Variants in DSCAML1 observed in about 807,000 individuals in gnomAD.
DSCAML1 encodes the protein cell adhesion molecule DSCAML1.
DSCAML1 carries 38 observed loss-of-function variants against 200.5 expected under a neutral mutation model. The ratio of observed to expected loss-of-function variants is 0.19; its 90% CI spans 0.15 to 0.25. The LOEUF (loss-of-function observed/expected upper bound fraction) is 0.25, where lower values mean the gene tolerates loss of function less well. Among genes scored for constraint, DSCAML1 ranks in the 10% least tolerant of loss-of-function variants. The pLI is 1.00. For missense variants in DSCAML1, 2,223 were observed against 2,858.8 expected, an observed-to-expected ratio of 0.78 and a Z score of 5.07; for synonymous variants, 1,215 against 1,165.0, an observed-to-expected ratio of 1.04 and a Z score of -0.87.
At chr11:117,703,109 C>A (rs1006808235) in intron 3 of DSCAML1, among the ~76,000 whole-genome samples, 6 of 152,114 alleles carry the variant, frequency 3.9e-5, no homozygotes, top group Admixed American at 3.9e-4. Context: ...CAGTGGTGAA[C>A]GTGTGAGCAG....
intron 3 of DSCAML1, among the ~76,000 whole-genome samples, chr11:117,680,247 T>G (rs2053288745): frequency 6.6e-6 from 1 of 152,174 alleles, no homozygotes. Flanking sequence ...CCAAGTGACT[T>G]GTCCCAGTCC....
At chr11:117,816,859 A>G (rs2055814502) in intron 1 of DSCAML1, among the ~76,000 whole-genome samples, 1 of 151,612 alleles carries the variant, frequency 6.6e-6, no homozygotes, top group Non-Finnish European at 1.5e-5. Flanking sequence ...CTGGAGGCCC[A>G]TGCCAGGGGC....
chr11:117,794,933 G>T lies in DSCAML1; in HGVS notation c.46+2101C>A, dbSNP rs974906415. On this transcript the variant is annotated intron_variant, in intron 1 of 32. Transcript: ENST00000651296. ...GGGCTCTGCAGACCCAAAGGCCACC[G>T]AGGAGCCGCCACAACTGGCATCTCC... is the stretch of plus-strand genomic sequence containing the variant. 3.3e-5 allele frequency among the ~76,000 whole-genome samples: 5 copies of T among 152,156 alleles called. No homozygotes were observed. In the South Asian group the frequency reaches 1.0e-3, roughly 32 times the overall value.
At chr11:117,501,503 C>T (rs2049394410) in intron 11 of DSCAML1, among the ~76,000 whole-genome samples, 6 of 152,166 alleles carry the variant, frequency 3.9e-5, no homozygotes. Flanking sequence ...GCCCTGGAGC[C>T]TTCGATGTCC....
intron 3 of DSCAML1, among the ~76,000 whole-genome samples, chr11:117,722,299 G>C (rs1405494025): frequency 6.7e-6 from 1 of 149,768 alleles, no homozygotes; most frequent in African/African-American, 2.5e-5. Flanking sequence ...CACTCATATG[G>C]GGGAGCTAAA....
At chr11:117,689,164 C>T (rs1280068064) in intron 3 of DSCAML1, among the ~76,000 whole-genome samples, 1 of 152,176 alleles carries the variant, frequency 6.6e-6, no homozygotes, top group African/African-American at 2.4e-5. Flanking sequence ...CTCACAGAGG[C>T]TAAGGAATTT....
chr11:117,435,119 G>A (rs2047886636), intron 27 of DSCAML1, among the ~76,000 whole-genome samples: 2 of 152,220 alleles, frequency 1.3e-5, no homozygotes. Flanking sequence ...GAAAACTGAG[G>A]TAAATCAGAC....
chr11:117,467,203 T>A (rs57082039), intron 16 of DSCAML1, among the ~76,000 whole-genome samples: 10 of 95,048 alleles, frequency 1.1e-4, no homozygotes, highest in Admixed American at 1.1e-4. Context: ...ACCTCCCCCC[T>A]CCCCCCGCCG....
At chr11:117,600,946 G>C (rs1194281198) in intron 3 of DSCAML1, among the ~76,000 whole-genome samples, 1 of 152,192 alleles carries the variant, frequency 6.6e-6, no homozygotes, top group Non-Finnish European at 1.5e-5. Flanking sequence ...AAGAGTCTTG[G>C]GAGGGCCCTG....
intron 11 of DSCAML1, among the ~76,000 whole-genome samples, chr11:117,486,004 G>T (rs1321929970): frequency 6.6e-6 from 1 of 152,200 alleles, no homozygotes; most frequent in Non-Finnish European, 1.5e-5. Context: ...ATTAGCCCCT[G>T]AATTCAAAAC....
chr11:117,429,412 C>CT (rs1025735042), intron 32 of DSCAML1, among the ~76,000 whole-genome samples: 28 of 151,694 alleles, frequency 1.8e-4, no homozygotes, highest in Non-Finnish European at 2.9e-4. Context: ...TTCCTAATTT[C>CT]TTTTTTTTTG....
chr11:117,476,074 T>C (rs968350650), intron 14 of DSCAML1, among the ~76,000 whole-genome samples: 3 of 152,180 alleles, frequency 2.0e-5, no homozygotes, highest in Non-Finnish European at 4.4e-5. Flanking sequence ...TAATATTCCC[T>C]TTCATATGAG....
chr11:117,644,629 T>C lies in DSCAML1; in HGVS notation c.512-112107A>G, dbSNP rs141563029. On this transcript the variant is annotated intron_variant, in intron 3 of 32. Transcript: ENST00000651296. ...GGTTTATTAAATACGTTCAAGAGCC[T>C]ATTTGTAGCTGTCAGGGAGAAGCCG... 3.1e-3 allele frequency among the ~76,000 whole-genome samples: 469 copies of C among 152,318 alleles called. 5 individuals carry two copies. The highest frequency in any genetic ancestry group is 0.019 in the Admixed American group (295 of 15,308).
chr11:117,616,449 T>C (rs979998028), intron 3 of DSCAML1, among the ~76,000 whole-genome samples: 13 of 152,244 alleles, frequency 8.5e-5, no homozygotes, highest in African/African-American at 2.9e-4. Context: ...TTCCTTTCCA[T>C]TGTTGTATAG....
intron 3 of DSCAML1, among the ~76,000 whole-genome samples, chr11:117,762,670 C>G (rs2054823992): frequency 6.6e-6 from 1 of 152,094 alleles, no homozygotes. Flanking sequence ...TGAGACCAGA[C>G]TGGCCAACAT....
At position 117,433,211 on chromosome 11, in the gene DSCAML1, C is replaced by T; in HGVS notation, c.4953G>A (p.Gln1651=). Residue 1651 remains glutamine (Q), a synonymous_variant, in exon 29 of 33, where the codon CAG becomes CAA. Coordinates refer to ENST00000651296, the MANE Select transcript of DSCAML1 (RefSeq NM_020693.4). Reference sequence around the variant, plus strand: ...GGATGTCAATGTGTAGCCGTGGGCCCTGGGGTGGCCCTTTCACAGGGGTGT... The same window carrying T: ...GGATGTCAATGTGTAGCCGTGGGCCTTGGGGTGGCCCTTTCACAGGGGTGT... ...SFDTPVKGPP[Q]GPRLHIDIPR... is the part of the protein sequence containing the mutation. 1 of 1,613,698 alleles carries T rather than the reference C, an allele frequency of 6.2e-7. No individual in the cohort carries two copies. The highest frequency in any genetic ancestry group is 8.5e-7 in the Non-Finnish European group (1 of 1,179,794).
chr11:117,812,951 T>C (rs759333957), intron 1 of DSCAML1, among the ~76,000 whole-genome samples: 71 of 152,004 alleles, frequency 4.7e-4, no homozygotes, highest in Non-Finnish European at 6.3e-4. Flanking sequence ...TAGAGGCCTT[T>C]CCTACAAGGT....
intron 19 of DSCAML1, among the ~76,000 whole-genome samples, chr11:117,456,671 C>CTTTTTTTTTTTTTT (rs10661996): frequency 2.8e-5 from 4 of 142,138 alleles, no homozygotes; most frequent in Non-Finnish European, 1.5e-5. Context: ...GCAGTCATTT[C>CTTTTTTTTTTTTTT]TTTTTTTTTT....
chr11:117,732,891 T>C (rs1327028708), intron 3 of DSCAML1, among the ~76,000 whole-genome samples: 1 of 152,104 alleles, frequency 6.6e-6, no homozygotes, highest in African/African-American at 2.4e-5. Flanking sequence ...CGAACGTCGG[T>C]ATGATAATAA....
Sources: allele counts gnomAD v4.1 joint callset (sites outside exome capture counted in the v4.1 genomes callset), GRCh38; gene constraint gnomAD v4.1.1; transcripts MANE v1.5; gene names NCBI Gene and HGNC (gene_info 2026-07-23, HGNC 2026-07-21).